SRGAP2: variants seen among roughly 807,000 people sequenced by gnomAD.
SRGAP2 encodes SLIT-ROBO Rho GTPase activating protein 2.
In SRGAP2, 15 loss-of-function variants were observed where a neutral mutation model predicts 57.2. The ratio of observed to expected loss-of-function variants is 0.26; its 90% CI spans 0.18 to 0.40. The LOEUF is 0.40. SRGAP2 is among the 10% of genes least tolerant of loss of function. The pLI, the probability that SRGAP2 is intolerant of heterozygous loss-of-function variation, is 1.00. For synonymous variants in SRGAP2, 249 were observed against 248.0 expected (o/e 1.00, Z -0.04); for missense variants, 520 against 669.6 (o/e 0.78, Z 2.47).
chr1:206,284,136 T>C (rs1263789745), intron 2 of SRGAP2, among the ~76,000 whole-genome samples: 2 of 151,374 alleles, frequency 1.3e-5, no homozygotes, highest in African/African-American at 2.4e-5. Context: ...TAAGTTTTGT[T>C]TCTACATGGT....
intron 14 of SRGAP2, among the ~76,000 whole-genome samples, chr1:206,435,909 C>T (rs782373430): frequency 3.3e-5 from 5 of 152,046 alleles, no homozygotes; most frequent in Non-Finnish European, 5.9e-5. Flanking sequence ...TGCACATTAT[C>T]GTAGTATAAC....
chr1:206,365,514 A>G (rs1417276773), intron 4 of SRGAP2, among the ~76,000 whole-genome samples: 3 of 149,702 alleles, frequency 2.0e-5, no homozygotes, highest in African/African-American at 7.4e-5. Context: ...CACACATTCA[A>G]ATCAGCTCCT....
rs1298492050 is a variant in SRGAP2, at chr1:206,283,540, G to C, written c.68-19741G>C. Among the ~76,000 whole-genome samples, 8 of 149,148 alleles carry C rather than the reference G, an allele frequency of 5.4e-5. No individual in the cohort carries two copies. The East Asian group carries it at 1.4e-3, about 26-fold the overall frequency. On this transcript the variant is annotated intron_variant, in intron 2 of 22. Transcript: ENST00000573034. ...AATACAAAAATTAGCCGGGCATGGT[G>C]GCACACCATTGTAATTCCAGCTACT...
At chr1:206,427,332 C>A (rs1660885933) in intron 13 of SRGAP2, among the ~76,000 whole-genome samples, 2 of 152,144 alleles carry the variant, frequency 1.3e-5, no homozygotes. Context: ...CCTGAGATCA[C>A]CCTAGCCTAA....
At chr1:206,458,121 A>G (rs1196763761) in intron 21 of SRGAP2, among the ~76,000 whole-genome samples, 7 of 152,192 alleles carry the variant, frequency 4.6e-5, no homozygotes, top group African/African-American at 1.7e-4. Flanking sequence ...CTCCATGCCT[A>G]CAGAATAAGC....
rs1331862268 is a variant in SRGAP2 at position 206,450,482 on chromosome 1, C to T, written c.2179+17C>T. The T allele has an allele frequency of 2.6e-6, 2 of 780,650 alleles. No homozygotes were observed. Among genetic ancestry groups the T allele is most frequent in the Non-Finnish European group, 4.8e-6 (2 of 417,884 alleles). The allele number at this position is 780,650 out of a possible 1,614,324, so 48.4% of individuals were successfully genotyped here. A position where few individuals can be genotyped will look rare whatever the true frequency, so the allele number is the denominator to read the frequency against. The stretch of plus-strand genomic sequence containing the variant: ...GCGATGACGGTACGAGGCCCTGCTT[C>T]CTGGTCAGTGGGGACGCCAGGGGTG... On this transcript the variant is annotated intron_variant, in intron 19 of 22. Transcript: ENST00000573034.
At chr1:206,314,180 G>A (rs1672897379) in intron 3 of SRGAP2, among the ~76,000 whole-genome samples, 1 of 151,092 alleles carries the variant, frequency 6.6e-6, no homozygotes. Context: ...TGTTGCCCAG[G>A]CTGGAGTGCA....
intron 3 of SRGAP2, among the ~76,000 whole-genome samples, chr1:206,332,384 G>C (rs1187829484): frequency 7.1e-6 from 1 of 140,180 alleles, no homozygotes; most frequent in African/African-American, 2.8e-5. Flanking sequence ...AGTTCTCCTG[G>C]ATAATATCCT....
intron 14 of SRGAP2, among the ~76,000 whole-genome samples, chr1:206,433,559 C>G (rs1661455756): frequency 6.6e-6 from 1 of 151,250 alleles, no homozygotes; most frequent in South Asian, 2.1e-4. Context: ...AAGAATCACT[C>G]AAACCCAGGA....
intron 21 of SRGAP2, 115 bp downstream of exon 21, chr1:206,455,139 C>T: frequency 1.3e-6 from 1 of 760,840 alleles, no homozygotes; most frequent in Admixed American, 1.7e-5. Context: ...CCAGCTCCCC[C>T]AGCCTAACAG....
At chr1:206,364,426 C>G (rs1268098313) in intron 4 of SRGAP2, among the ~76,000 whole-genome samples, 1 of 151,412 alleles carries the variant, frequency 6.6e-6, no homozygotes, top group East Asian at 1.9e-4. Flanking sequence ...CTCAGCCTCC[C>G]GAGTAGCTGG....
Position 206,437,945 on chromosome 1 carries a change from G to A in SRGAP2, c.1634-19G>A. 1 of 780,356 alleles carries A rather than the reference G, an allele frequency of 1.3e-6. No homozygotes were observed. Among genetic ancestry groups the A allele is most frequent in the Non-Finnish European group, 2.4e-6 (1 of 417,854 alleles). 48.3% of individuals were successfully genotyped at this position (780,356 alleles called of 1,614,324 possible). A position where few individuals can be genotyped will look rare whatever the true frequency, so the allele number is the denominator to read the frequency against. On this transcript the variant is annotated intron_variant, in intron 15 of 22. Coordinates refer to ENST00000573034, the MANE Select transcript of SRGAP2 (RefSeq NM_015326.5). The stretch of plus-strand genomic sequence containing the variant: ...CTCTCTCACTCTCTTTCCTTTTCGT[G>A]GGGGTTGCTTATCCTCAGGAGAGGA...
Position 206,454,270 on chromosome 1 carries a change from T to A in SRGAP2, c.2361-608T>A, listed in dbSNP as rs995431851. The A allele has an allele frequency of 2.9e-6, 2 of 689,802 alleles. No individual in the cohort carries two copies. Among genetic ancestry groups the A allele is most frequent in the Admixed American group, 4.1e-5 (2 of 48,566 alleles). The allele number at this position is 689,802 out of a possible 1,614,324, so 42.7% of individuals were successfully genotyped here. The stretch of plus-strand genomic sequence containing the variant: ...TGTGCGTGGACAGGACCCTCCCAAA[T>A]TTAGCATTATGACTTCACCACAGGA... On this transcript the variant is annotated intron_variant, in intron 20 of 22. Coordinates refer to ENST00000573034, the MANE Select transcript of SRGAP2 (RefSeq NM_015326.5). This position sits in a 1 kb window ranked among gnomAD's most constrained non-coding sequence, Gnocchi z 4.3.
intron 4 of SRGAP2, among the ~76,000 whole-genome samples, chr1:206,369,006 G>A (rs1381920426): frequency 1.3e-5 from 2 of 151,964 alleles, no homozygotes; most frequent in Non-Finnish European, 2.9e-5. Flanking sequence ...AGATACTGTG[G>A]AAGATACTAT....
In SRGAP2 at chr1:206,296,608, A is replaced by G. The variant is rs1459362846; in HGVS notation, c.68-6673A>G. Among the ~76,000 whole-genome samples, 1,073 of 152,144 alleles carry G rather than the reference A, an allele frequency of 7.1e-3. 13 individuals carry two copies. Among genetic ancestry groups the G allele is most frequent in the African/African-American group, 0.024 (1,012 of 41,494 alleles). On this transcript the variant is annotated intron_variant, in intron 2 of 22. Transcript: ENST00000573034. ...CCACCCCCAGCTAACTTAAAAAAAA[A>G]TTTTGTAGAGCTGGGATTTTGCCAT... is the stretch of plus-strand genomic sequence containing the variant.
At chr1:206,361,422 A>T (rs1446702861) in intron 4 of SRGAP2, among the ~76,000 whole-genome samples, 1 of 151,110 alleles carries the variant, frequency 6.6e-6, no homozygotes, top group Non-Finnish European at 1.5e-5. Flanking sequence ...ATGCCCATCT[A>T]TAAACTGAAC....
At chr1:206,307,300 A>G (rs1163344607) in intron 3 of SRGAP2, among the ~76,000 whole-genome samples, 2 of 152,254 alleles carry the variant, frequency 1.3e-5, no homozygotes, top group Non-Finnish European at 2.9e-5. Flanking sequence ...TGAGCTAAAC[A>G]CAGGGTGCTG....
At chr1:206,301,090 G>A (rs1184365005) in intron 2 of SRGAP2, among the ~76,000 whole-genome samples, 2 of 152,164 alleles carry the variant, frequency 1.3e-5, no homozygotes, top group African/African-American at 4.8e-5. Flanking sequence ...GGAGTGCAGT[G>A]GTGCGATCTC....
At chr1:206,347,243 C>A (rs1553337069) in intron 4 of SRGAP2, among the ~76,000 whole-genome samples, 1 of 151,032 alleles carries the variant, frequency 6.6e-6, no homozygotes, top group South Asian at 2.1e-4. Context: ...CAGAGCCAGA[C>A]CCTGTCTGTT....
Sources: gnomAD v4.1 joint callset for allele counts (sites outside exome capture counted in the v4.1 genomes callset) on GRCh38, gnomAD v4.1.1 for gene constraint, Gnocchi (gnomAD v3.1) non-coding constraint, MANE v1.5 for transcripts, NCBI Gene and HGNC (gene_info 2026-07-23, HGNC 2026-07-21) for gene names.